Variants in ITPR1 observed in about 807,000 individuals in gnomAD.
ITPR1 encodes inositol 1,4,5-trisphosphate-gated calcium channel ITPR1.
A neutral mutation model predicts 318.4 loss-of-function variants in ITPR1; 96 were observed. The ratio of observed to expected loss-of-function variants is 0.30; its 90% CI spans 0.26 to 0.36. The LOEUF (loss-of-function observed/expected upper bound fraction) is 0.36, where lower values mean the gene tolerates loss of function less well. Among genes scored for constraint, ITPR1 ranks in the 10% least tolerant of loss-of-function variants. The probability of loss-of-function intolerance (pLI) is 1.00; values close to 1 mark genes in which losing one functional copy is unlikely to be tolerated. For missense variants in ITPR1, 2,440 were observed against 3,460.2 expected (o/e 0.71, Z 7.40); for synonymous variants, 1,312 against 1,289.9 (o/e 1.02, Z -0.37).
chr3:4,658,529 A>T (rs1247979816), intron 13 of ITPR1, among the ~76,000 whole-genome samples: 1 of 151,056 alleles, frequency 6.6e-6, no homozygotes, highest in Non-Finnish European at 1.5e-5. Context: ...AAGTAGCTCA[A>T]TTTTCCTAGT....
rs2049207464 is a variant in ITPR1 at position 4,815,184 on chromosome 3, G to A, written c.7833G>A (p.Lys2611=). ...ACCTGAGGAGTGAGAAGCAGAAGAA[G>A]GAAGAGATCTTGAAGACCACGTGCT... ...FADLRSEKQK[K]EEILKTTCFI... Residue 2611 remains lysine (K), a synonymous_variant, in exon 59 of 62, where the codon AAG becomes AAA. Coordinates refer to ENST00000649015, the MANE Select transcript of ITPR1 (RefSeq NM_001378452.1). 19 of 1,613,956 alleles carry A rather than the reference G, an allele frequency of 1.2e-5. No individual in the cohort carries two copies. Among genetic ancestry groups the A allele is most frequent in the Non-Finnish European group, 1.5e-5 (18 of 1,179,838 alleles).
chr3:4,564,365 G>A (rs537841285), intron 4 of ITPR1, among the ~76,000 whole-genome samples: 43 of 152,230 alleles, frequency 2.8e-4, no homozygotes, highest in South Asian at 1.2e-3. Flanking sequence ...TCATGTTTGC[G>A]TGTGTTCTTT....
chr3:4,783,975 A>G, intron 51 of ITPR1, 55 bp downstream of exon 51: 6 of 1,218,652 alleles, frequency 4.9e-6, no homozygotes, highest in Non-Finnish European at 7.1e-6. Context: ...TTAGTGTGCA[A>G]TGCCCTGCTC....
chr3:4,617,780 T>C (rs1575741484), intron 4 of ITPR1, among the ~76,000 whole-genome samples: 1 of 151,790 alleles, frequency 6.6e-6, no homozygotes, highest in African/African-American at 2.4e-5. Context: ...GCACAGGCAT[T>C]TAAGACCAGC....
chr3:4,827,623 A>G (rs1002167348), intron 60 of ITPR1, among the ~76,000 whole-genome samples: 1 of 152,194 alleles, frequency 6.6e-6, no homozygotes, highest in Non-Finnish European at 1.5e-5. Context: ...TTTACCACCT[A>G]TAAAATGAGG....
chr3:4,707,789 G>T (rs1305796874), intron 37 of ITPR1, among the ~76,000 whole-genome samples: 2 of 152,096 alleles, frequency 1.3e-5, no homozygotes, highest in Non-Finnish European at 2.9e-5. Context: ...TATTACTGTT[G>T]TTTACTGCTA....
At position 4,743,857 on chromosome 3, in the gene ITPR1, CG is replaced by C. The variant is rs2043882481; in HGVS notation, c.5544+8505del. Among the ~76,000 whole-genome samples, 11 of 152,292 alleles carry C rather than the reference CG, an allele frequency of 7.2e-5. 1 individual carries two copies. In the South Asian group the frequency reaches 2.3e-3, roughly 32 times the overall value. On this transcript the variant is annotated intron_variant, in intron 44 of 61. Transcript: ENST00000649015. ...TGTCTGTTTGTTTGTTTGTTTGAGACGGAGTCTCACTATGTCACCCAAGCTG... is the reference window on the plus strand; with the variant it reads ...TGTCTGTTTGTTTGTTTGTTTGAGACGAGTCTCACTATGTCACCCAAGCTG...
intron 30 of ITPR1, among the ~76,000 whole-genome samples, chr3:4,685,641 C>A (rs866989980): frequency 1.3e-4 from 20 of 152,338 alleles, no homozygotes; most frequent in Middle Eastern, 3.4e-3. Context: ...ACGCTGACAT[C>A]TGCTTAAGTA....
chr3:4,678,950 G>A (rs969481077), intron 24 of ITPR1, among the ~76,000 whole-genome samples: 1 of 152,310 alleles, frequency 6.6e-6, no homozygotes, highest in South Asian at 2.1e-4. Flanking sequence ...CTTATTCTCT[G>A]TTGAGCCTTT....
rs750411926 is a variant in ITPR1, at chr3:4,699,841, A to G, written c.4436A>G (p.His1479Arg). The G allele has an allele frequency of 1.2e-6, 2 of 1,613,954 alleles. No individual in the cohort carries two copies. Among genetic ancestry groups the G allele is most frequent in the Admixed American group, 3.3e-5 (2 of 60,032 alleles). The change falls in exon 35 of 62, where the codon CAT becomes CGT. Residue 1479 changes from histidine to arginine, a missense_variant. By Grantham distance (29) the His-to-Arg change is conservative. Coordinates refer to ENST00000649015, the MANE Select transcript of ITPR1 (RefSeq NM_001378452.1). The stretch of plus-strand genomic sequence containing the variant: ...TGTAACAACACTAGTGACAGGAAAC[A>G]TGCAGACTCGATTTTGGAGAAGTAT... Reference protein sequence around the residue: ...RACNNTSDRKHADSILEKYVT... With the variant: ...RACNNTSDRKRADSILEKYVT...
chr3:4,501,704 T>G (rs1286756524), intron 2 of ITPR1, among the ~76,000 whole-genome samples: 2 of 152,236 alleles, frequency 1.3e-5, no homozygotes, highest in African/African-American at 4.8e-5. Context: ...GTAAGTAGTT[T>G]TCACATGATT....
At chr3:4,774,615 A>C (rs1188342152) in intron 46 of ITPR1, among the ~76,000 whole-genome samples, 1 of 152,218 alleles carries the variant, frequency 6.6e-6, no homozygotes, top group Non-Finnish European at 1.5e-5. Context: ...TCTTGCTCCT[A>C]TCTGTGCCTC....
intron 4 of ITPR1, among the ~76,000 whole-genome samples, chr3:4,529,783 C>G (rs1476920810): frequency 2.0e-5 from 3 of 152,128 alleles, no homozygotes; most frequent in African/African-American, 7.2e-5. Flanking sequence ...TTGTGTAGTG[C>G]TAAGAGACAT....
intron 21 of ITPR1, 76 bp downstream of exon 21, chr3:4,673,463 TCTTAGAAG>T: frequency 1.5e-6 from 2 of 1,335,466 alleles, no homozygotes; most frequent in Non-Finnish European, 2.0e-6. Flanking sequence ...TCTCATTAAA[TCTTAGAAG>T]AAAGATGAAG....
rs1159285250 is a variant in ITPR1, at chr3:4,691,259, A to T, written c.3944A>T (p.Asn1315Ile). Residue 1315 changes from asparagine to isoleucine, a missense_variant, in exon 32 of 62, where the codon AAT (asparagine) becomes ATT (isoleucine). Around this residue, in one of 23 missense-constraint regions of ITPR1, gnomAD observed 222 missense variants for 318.8 expected, o/e 0.70. Coordinates refer to ENST00000649015, the MANE Select transcript of ITPR1 (RefSeq NM_001378452.1). The stretch of plus-strand genomic sequence containing the variant: ...CACTGCATAGAGACTCACGGTCGGA[A>T]TGTCCAGTATATAAAGTTCTTACAG... ...FVHCIETHGR[N>I]VQYIKFLQTI... 2 of 1,613,342 alleles carry T rather than the reference A, an allele frequency of 1.2e-6. No individual in the cohort carries two copies. The highest frequency in any genetic ancestry group is 4.5e-5 in the East Asian group (2 of 44,876).
intron 4 of ITPR1, among the ~76,000 whole-genome samples, chr3:4,561,100 C>G (rs1019602541): frequency 6.6e-6 from 1 of 152,166 alleles, no homozygotes; most frequent in Admixed American, 6.5e-5. Flanking sequence ...AGCAGCTGAC[C>G]TGGCTAGCTG....
At chr3:4,691,588 G>C (rs1384903822) in intron 32 of ITPR1, among the ~76,000 whole-genome samples, 2 of 152,126 alleles carry the variant, frequency 1.3e-5, no homozygotes, top group Non-Finnish European at 2.9e-5. Context: ...TTTCTGACAG[G>C]GGACAGAAAG....
chr3:4,567,946 C>G (rs971469668), intron 4 of ITPR1, among the ~76,000 whole-genome samples: 1 of 151,864 alleles, frequency 6.6e-6, no homozygotes. Flanking sequence ...ATGATAGACA[C>G]TATCAACACT....
At chr3:4,638,492 A>G (rs549687495) in intron 5 of ITPR1, among the ~76,000 whole-genome samples, 2 of 152,288 alleles carry the variant, frequency 1.3e-5, no homozygotes, top group African/African-American at 2.4e-5. Flanking sequence ...CAGCTTTACC[A>G]TGTTCCCCCC....
Sources: allele counts gnomAD v4.1 joint callset (sites outside exome capture counted in the v4.1 genomes callset), GRCh38; gene constraint gnomAD v4.1.1; regional missense constraint gnomAD v4.1.1; transcripts MANE v1.5; gene names NCBI Gene and HGNC (gene_info 2026-07-23, HGNC 2026-07-21).